The following PPP3CA variants were observed in gnomAD, a reference collection of about 807,000 sequenced individuals.
The protein encoded by PPP3CA is CAM-PRP catalytic subunit.
PPP3CA carries 14 observed loss-of-function variants against 66.5 expected under a neutral mutation model. The ratio of observed to expected loss-of-function variants is 0.21; its 90% CI spans 0.14 to 0.33. The LOEUF (loss-of-function observed/expected upper bound fraction) is 0.33. PPP3CA is among the 10% of genes least tolerant of loss of function. PPP3CA has a pLI of 1.00. For synonymous variants in PPP3CA, 232 were observed against 226.2 expected (o/e 1.03, Z -0.23); for missense variants, 317 against 639.5 (o/e 0.50, Z 5.44).
intron 1 of PPP3CA, among the ~76,000 whole-genome samples, chr4:101,239,482 A>G (rs372541898): frequency 7.4e-4 from 112 of 152,204 alleles, no homozygotes; most frequent in African/African-American, 2.4e-3. Flanking sequence ...AATTCCACTT[A>G]AGTATAGGAC....
At chr4:101,322,335 C>T (rs144994317) in intron 1 of PPP3CA, among the ~76,000 whole-genome samples, 3 of 151,162 alleles carry the variant, frequency 2.0e-5, no homozygotes, top group East Asian at 1.9e-4. Flanking sequence ...CACTCATGAA[C>T]GAGATTAGGA....
chr4:101,287,661 T>C (rs1727887197), intron 1 of PPP3CA, among the ~76,000 whole-genome samples: 1 of 152,154 alleles, frequency 6.6e-6, no homozygotes. Context: ...AAAGACGCTA[T>C]TTCAATTAAC....
At chr4:101,080,430 A>G (rs1729384072) in intron 8 of PPP3CA, 102 bp downstream of exon 8, 1 of 535,862 alleles carries the variant, frequency 1.9e-6, no homozygotes, top group Non-Finnish European at 2.9e-6. Flanking sequence ...AATTTTAAAA[A>G]AAAAGACTGG....
intron 4 of PPP3CA, among the ~76,000 whole-genome samples, 194 bp from the exon 5 acceptor site, chr4:101,098,706 T>C (rs1345014549): frequency 6.6e-6 from 1 of 152,114 alleles, no homozygotes; most frequent in Non-Finnish European, 1.5e-5. Context: ...ATTTCCTGTT[T>C]TTGTCATTTA....
At position 101,347,417 on chromosome 4, in the gene PPP3CA, G is replaced by A. The variant is rs1310571306; in HGVS notation, c.-621C>T. The stretch of plus-strand genomic sequence containing the variant: ...CGCCGCTGGTGCCGCGGCCGCCGGA[G>A]ACGTCCCGCCGCCGCGATCGCCCGC... On this transcript the variant is annotated 5_prime_UTR_variant, in exon 1 of 14. Coordinates refer to ENST00000394854, the MANE Select transcript of PPP3CA (RefSeq NM_000944.5). 1.2e-5 allele frequency: 2 copies of A among 165,902 alleles called. No individual in the cohort carries two copies. The highest frequency in any genetic ancestry group is 1.9e-4 in the East Asian group (1 of 5,356). 10.3% of individuals were successfully genotyped at this position (165,902 alleles called of 1,614,324 possible). A position where few individuals can be genotyped will look rare whatever the true frequency, so the allele number is the denominator to read the frequency against.
chr4:101,226,315 C>T (rs1040946175), intron 1 of PPP3CA, among the ~76,000 whole-genome samples: 1 of 151,688 alleles, frequency 6.6e-6, no homozygotes, highest in African/African-American at 2.4e-5. Context: ...TATCCAGCAC[C>T]TGGCAAAATT....
At chr4:101,146,029 C>A (rs1366958014) in intron 2 of PPP3CA, among the ~76,000 whole-genome samples, 1 of 152,116 alleles carries the variant, frequency 6.6e-6, no homozygotes, top group Non-Finnish European at 1.5e-5. Context: ...TAAACTTCAG[C>A]CTGGTCCAGA....
chr4:101,096,081 A>G (rs1444106751), intron 5 of PPP3CA, among the ~76,000 whole-genome samples: 1 of 152,236 alleles, frequency 6.6e-6, no homozygotes, highest in Non-Finnish European at 1.5e-5. Flanking sequence ...AAAGACACAG[A>G]GCAGGAAACA....
chr4:101,333,308 T>TCAC (rs1729504934), intron 1 of PPP3CA, among the ~76,000 whole-genome samples: 1 of 109,032 alleles, frequency 9.2e-6, no homozygotes, highest in East Asian at 2.8e-4. Flanking sequence ...TTTTTTTTTT[T>TCAC]TGTAGAGATG....
intron 2 of PPP3CA, among the ~76,000 whole-genome samples, chr4:101,175,903 A>C (rs1724043655): frequency 6.6e-6 from 1 of 152,334 alleles, no homozygotes; most frequent in Non-Finnish European, 1.5e-5. Context: ...CATTTTCCAC[A>C]GGAAATACAG....
At chr4:101,271,006 A>T (rs1033303834) in intron 1 of PPP3CA, among the ~76,000 whole-genome samples, 9 of 152,180 alleles carry the variant, frequency 5.9e-5, no homozygotes, top group African/African-American at 1.9e-4. Context: ...TACAGATTCA[A>T]ACTCCTGGGC....
intron 1 of PPP3CA, among the ~76,000 whole-genome samples, chr4:101,296,253 A>G (rs1459176270): frequency 6.6e-6 from 1 of 152,164 alleles, no homozygotes; most frequent in Non-Finnish European, 1.5e-5. Context: ...AGCATTTTAA[A>G]TTTCTATTGG....
chr4:101,276,987 GATATTTTC>G (rs1727515864), intron 1 of PPP3CA, among the ~76,000 whole-genome samples: 1 of 20,898 alleles, frequency 4.8e-5, no homozygotes, highest in African/African-American at 1.2e-4. Context: ...GCTAGGACCT[GATATTTTC>G]AAAATATTAG....
intron 1 of PPP3CA, among the ~76,000 whole-genome samples, chr4:101,248,308 A>G (rs1726555710): frequency 6.6e-6 from 1 of 152,242 alleles, no homozygotes; most frequent in Non-Finnish European, 1.5e-5. Flanking sequence ...TTTCTAGATT[A>G]GAATTCCTTC....
intron 1 of PPP3CA, among the ~76,000 whole-genome samples, chr4:101,344,455 A>T (rs1423968573): frequency 6.6e-6 from 1 of 152,228 alleles, no homozygotes; most frequent in Admixed American, 6.5e-5. Flanking sequence ...ATCAGGATTC[A>T]TCAACAAAAC....
chr4:101,059,516 T>A lies in PPP3CA; in HGVS notation c.1156+1571A>T, dbSNP rs76475371. ...CCTGAGTATATAGACTCTATTTACA[T>A]GAGTGTATGAACAGGTTTATTATAC... On this transcript the variant is annotated intron_variant, in intron 10 of 13. Transcript: ENST00000394854. Among the ~76,000 whole-genome samples the A allele has an allele frequency of 7.1e-3, 1,084 of 152,280 alleles. 6 individuals are homozygous for A. Among genetic ancestry groups the A allele is most frequent in the Non-Finnish European group, 0.012 (830 of 68,008 alleles).
At chr4:101,077,464 A>T (rs542564566) in intron 8 of PPP3CA, among the ~76,000 whole-genome samples, 1 of 152,190 alleles carries the variant, frequency 6.6e-6, no homozygotes, top group Admixed American at 6.5e-5. Context: ...ATCCAATTTT[A>T]TTACACTGCT....
At chr4:101,284,405 A>C (rs931535889) in intron 1 of PPP3CA, among the ~76,000 whole-genome samples, 2 of 152,068 alleles carry the variant, frequency 1.3e-5, no homozygotes, top group Non-Finnish European at 2.9e-5. Context: ...ATCTAATTCA[A>C]TTTTCTGGTT....
intron 1 of PPP3CA, among the ~76,000 whole-genome samples, chr4:101,235,422 AACATACACTC>A (rs1399660050): frequency 6.0e-5 from 5 of 83,006 alleles, no homozygotes; most frequent in South Asian, 3.3e-4. Context: ...TCAGAACCTA[AACATACACTC>A]ACACACACAC....
Sources: gnomAD v4.1 joint callset for allele counts (sites outside exome capture counted in the v4.1 genomes callset) on GRCh38, gnomAD v4.1.1 for gene constraint, MANE v1.5 for transcripts, NCBI Gene and HGNC (gene_info 2026-07-23, HGNC 2026-07-21) for gene names.